The following SUPT20H variants were observed in gnomAD, a reference collection of about 807,000 sequenced individuals.
SUPT20H encodes the protein SPT20 homolog, SAGA complex component.
A neutral mutation model predicts 122.8 loss-of-function variants in SUPT20H; 82 were observed. The observed-to-expected ratio is 0.67, with a 90% confidence interval of 0.56 to 0.80. SUPT20H has a LOEUF of 0.80. Ranked by LOEUF, SUPT20H falls within the 30% of genes least tolerant of loss-of-function variation. SUPT20H has a pLI of 0.00. For synonymous variants in SUPT20H, 291 were observed against 313.0 expected (o/e 0.93, Z 0.74); for missense variants, 831 against 921.6 (o/e 0.90, Z 1.27).
intron 7 of SUPT20H, 26 bp downstream of exon 7, chr13:37,044,051 GA>G: frequency 6.7e-7 from 1 of 1,484,168 alleles, no homozygotes. Context: ...CAAATATAAA[GA>G]CATTTTAAAG....
intron 1 of SUPT20H, among the ~76,000 whole-genome samples, chr13:37,053,816 C>T (rs1277565022): frequency 1.3e-5 from 2 of 151,886 alleles, no homozygotes; most frequent in Admixed American, 6.6e-5. Context: ...TTCAAAAACT[C>T]AATGAATCCA....
rs1303908745 is a variant in SUPT20H, at chr13:37,009,794, G to GC, written c.2217dup (p.Gln740AlafsTer29). 1.2e-6 allele frequency: 2 copies of GC among 1,611,404 alleles called. No individual in the cohort carries two copies. Among genetic ancestry groups the GC allele is most frequent in the Non-Finnish European group, 1.7e-6 (2 of 1,179,332 alleles). ...GCTGCTGCCATAGCCATTTGATGCT[G>GC]CAAGAATCGCAACTGCTGCAAAAGG... is the stretch of plus-strand genomic sequence containing the variant. On this transcript the variant is annotated frameshift_variant, in exon 26 of 26. Coordinates refer to ENST00000350612, the MANE Select transcript of SUPT20H (RefSeq NM_001014286.3). LOFTEE classifies it high-confidence loss of function.
At chr13:37,034,945 G>T (rs2064061048) in intron 9 of SUPT20H, among the ~76,000 whole-genome samples, 1 of 152,150 alleles carries the variant, frequency 6.6e-6, no homozygotes, top group Non-Finnish European at 1.5e-5. Flanking sequence ...TCTGTTTACT[G>T]CATGTTTTAC....
intron 7 of SUPT20H, among the ~76,000 whole-genome samples, 155 bp from the exon 8 acceptor site, chr13:37,040,847 A>C (rs1015508962): frequency 6.6e-6 from 1 of 152,238 alleles, no homozygotes; most frequent in Non-Finnish European, 1.5e-5. Flanking sequence ...ATTTAACACT[A>C]TGTAAACCTT....
At chr13:37,047,353 G>A in intron 5 of SUPT20H, 182 bp downstream of exon 5, 1 of 516,192 alleles carries the variant, frequency 1.9e-6, no homozygotes, top group Middle Eastern at 3.6e-4. Flanking sequence ...TACCTCAGCA[G>A]GTGATCTCTG....
rs2059748885 is a variant in SUPT20H, at chr13:37,012,313, A to G, written c.1993-16T>C. ...GCTCAGAACCCTGAATAAAAAAATA[A>G]TAAATGACTTGTACAAGAAAGAAAA... On this transcript the variant is annotated splice_polypyrimidine_tract_variant and intron_variant, in intron 23 of 25. Coordinates refer to ENST00000350612, the MANE Select transcript of SUPT20H (RefSeq NM_001014286.3). The G allele has an allele frequency of 1.3e-6, 2 of 1,596,498 alleles. No individual in the cohort carries two copies. Among genetic ancestry groups the G allele is most frequent in the Non-Finnish European group, 8.6e-7 (1 of 1,168,148 alleles).
chr13:37,032,031 G>T, intron 10 of SUPT20H, 136 bp from the exon 11 acceptor site: 7 of 629,512 alleles, frequency 1.1e-5, no homozygotes, highest in Non-Finnish European at 1.7e-5. Flanking sequence ...ACAGTCCTAG[G>T]AACTAGGACT....
intron 10 of SUPT20H, among the ~76,000 whole-genome samples, chr13:37,032,149 T>C (rs1429414967): frequency 6.6e-6 from 1 of 151,878 alleles, no homozygotes; most frequent in Non-Finnish European, 1.5e-5. Context: ...TAATTTCAGA[T>C]TTCAGACACC....
intron 23 of SUPT20H, among the ~76,000 whole-genome samples, chr13:37,016,932 G>C (rs773423778): frequency 2.0e-5 from 3 of 152,094 alleles, no homozygotes; most frequent in Non-Finnish European, 4.4e-5. Context: ...TAATGATGGG[G>C]TAGAAAATAC....
intron 9 of SUPT20H, among the ~76,000 whole-genome samples, chr13:37,035,978 C>T (rs2064304758): frequency 6.6e-6 from 1 of 152,172 alleles, no homozygotes; most frequent in Non-Finnish European, 1.5e-5. Flanking sequence ...AGAAGTTCTA[C>T]TGTAGGGTAA....
intron 1 of SUPT20H, among the ~76,000 whole-genome samples, chr13:37,054,300 G>C (rs553319278): frequency 1.3e-5 from 2 of 152,088 alleles, no homozygotes; most frequent in African/African-American, 4.8e-5. Context: ...CCAAAGCCTG[G>C]CAGAGACACA....
At chr13:37,044,273 A>T (rs534505029) in intron 6 of SUPT20H, 92 bp from the exon 7 acceptor site, 2 of 963,734 alleles carry the variant, frequency 2.1e-6, no homozygotes, top group South Asian at 4.6e-5. Context: ...TATATATAAT[A>T]AAACCAAAAG....
intron 9 of SUPT20H, chr13:37,038,125 T>C (rs941674488): frequency 6.6e-6 from 1 of 151,992 alleles, no homozygotes; most frequent in Non-Finnish European, 1.5e-5. Flanking sequence ...TACACAATAA[T>C]TGACTGTCTC....
rs192479474 is a variant in SUPT20H, at chr13:37,020,406, T to C, written c.1817-1009A>G. Among the ~76,000 whole-genome samples, 626 of 152,260 alleles carry C rather than the reference T, an allele frequency of 4.1e-3. 5 individuals are homozygous for C. The highest frequency in any genetic ancestry group is 0.015 in the African/African-American group (610 of 41,556). On this transcript the variant is annotated intron_variant, in intron 21 of 25. Coordinates refer to ENST00000350612, the MANE Select transcript of SUPT20H (RefSeq NM_001014286.3). ...AAGGCACTTTCATACTTCATTTAGT[T>C]CTCTTAAGTACCAACTGGAGATATT... is the stretch of plus-strand genomic sequence containing the variant.
chr13:37,034,802 G>T (rs2064033096), intron 9 of SUPT20H, among the ~76,000 whole-genome samples: 1 of 152,152 alleles, frequency 6.6e-6, no homozygotes, highest in Non-Finnish European at 1.5e-5. Context: ...TCTCTTGTTG[G>T]GGGTTAATGC....
rs370215201 is a variant in SUPT20H, at chr13:37,025,373, T to A, written c.1276A>T (p.Ser426Cys). ...EAKCPVKMSH[S>C]SSGSASLSQV... is the part of the protein sequence containing the mutation. ...CTCAGACTGGCTGAGCCACTGGAGC[T>A]GTGTGACATCTTGACCGGACATTTG... The change falls in exon 17 of 26, where the codon AGC (serine) becomes TGC (cysteine). Residue 426 changes from serine (S) to cysteine (C), a missense_variant. By Grantham distance (112) the Ser-to-Cys change is moderately radical. Coordinates refer to ENST00000350612, the MANE Select transcript of SUPT20H (RefSeq NM_001014286.3). 2.4e-5 allele frequency: 39 copies of A among 1,614,070 alleles called. No individual in the cohort carries two copies. Among genetic ancestry groups the A allele is most frequent in the Non-Finnish European group, 3.1e-5 (37 of 1,179,936 alleles).
Position 37,055,568 on chromosome 13 carries a change from A to T in SUPT20H, c.-93-3985T>A, listed in dbSNP as rs921948648. 2.1e-4 allele frequency among the ~76,000 whole-genome samples: 32 copies of T among 152,360 alleles called. No individual in the cohort carries two copies. In the Middle Eastern group the frequency reaches 0.01, roughly 49 times the overall value. On this transcript the variant is annotated intron_variant, in intron 1 of 25. Coordinates refer to ENST00000350612, the MANE Select transcript of SUPT20H (RefSeq NM_001014286.3). ...CTGGGAAAACTGGCTAGCCATATGT[A>T]GAAAGCTGAAACTGGATCCCTTCCT...
chr13:37,028,370 A>G, intron 13 of SUPT20H, 65 bp from the exon 14 acceptor site: 1 of 1,443,086 alleles, frequency 6.9e-7, no homozygotes, highest in Non-Finnish European at 9.5e-7. Flanking sequence ...GAATTAGTAA[A>G]AATCAGGAAT....
chr13:37,021,552 G>C lies in SUPT20H; in HGVS notation c.1712C>G (p.Thr571Ser). Residue 571 changes from threonine (T) to serine (S), a missense_variant, in exon 21 of 26, where the codon ACT (threonine) becomes AGT (serine). Thr to Ser is a moderately conservative substitution (Grantham distance 58). Transcript: ENST00000350612. ...SGSNPMLGCN[T>S]GAITPAGINL... ...TATTCCTGCAGGAGTTATGGCACCA[G>C]TGTTACAGCCCAGCATGGGGTTTGA... The C allele has an allele frequency of 6.2e-7, 1 of 1,613,712 alleles. No individual in the cohort carries two copies. Among genetic ancestry groups the C allele is most frequent in the Non-Finnish European group, 8.5e-7 (1 of 1,179,944 alleles).
Sources: gnomAD v4.1 joint callset for allele counts (sites outside exome capture counted in the v4.1 genomes callset) on GRCh38, gnomAD v4.1.1 for gene constraint, MANE v1.5 for transcripts, NCBI Gene and HGNC (gene_info 2026-07-23, HGNC 2026-07-21) for gene names.